OVCH1: variants seen among roughly 807,000 people sequenced by gnomAD.
OVCH1 encodes the protein ovochymase 1.
OVCH1 carries 139 observed loss-of-function variants against 138.4 expected under a neutral mutation model. That is an observed-to-expected ratio of 1.00 (90% CI 0.87 to 1.16). The LOEUF (loss-of-function observed/expected upper bound fraction) is 1.16, where lower values mean the gene tolerates loss of function less well. Ranked by LOEUF, OVCH1 falls within the 50% of genes most tolerant of loss-of-function variation. The probability of loss-of-function intolerance (pLI) is 0.00; values close to 1 mark genes in which losing one functional copy is unlikely to be tolerated. For missense variants in OVCH1, 1,367 were observed against 1,357.9 expected (o/e 1.01, Z -0.11); for synonymous variants, 453 against 467.8 (o/e 0.97, Z 0.41).
chr12:29,443,569 G>A, intron 24 of OVCH1, 69 bp from the exon 25 acceptor site: 1 of 1,405,056 alleles, frequency 7.1e-7, no homozygotes. Context: ...ATTTTGCTCA[G>A]AAATTAATGC....
intron 25 of OVCH1, chr12:29,440,647 T>G: frequency 2.2e-6 from 1 of 448,724 alleles, no homozygotes. Context: ...GTATACATCA[T>G]TTTCATAGAT....
downstream of OVCH1, among the ~76,000 whole-genome samples, chr12:29,410,888 T>A (rs932296499): frequency 2.7e-4 from 9 of 33,100 alleles, no homozygotes; most frequent in Admixed American, 7.1e-4. Context: ...TTCTCCTGGA[T>A]AATATCCTGC....
At chr12:29,410,558 T>C (rs1162809402), downstream of OVCH1, among the ~76,000 whole-genome samples, 1 of 96,154 alleles carries the variant, frequency 1.0e-5, no homozygotes, top group Non-Finnish European at 2.6e-5. Flanking sequence ...TTATTTCTCC[T>C]TCACTCATGA....
chr12:29,489,482 T>G, intron 6 of OVCH1, 138 bp downstream of exon 6: 1 of 1,015,044 alleles, frequency 9.9e-7, no homozygotes, highest in Non-Finnish European at 1.4e-6. Flanking sequence ...ACTTTTTCAG[T>G]AGAAATCAGA....
chr12:29,439,528 A>T, intron 25 of OVCH1: 2 of 1,335,204 alleles, frequency 1.5e-6, no homozygotes, highest in Non-Finnish European at 1.9e-6. Context: ...TAAAGGAAAA[A>T]TCTCTATCTC....
At chr12:29,402,976 T>C in the OVCH1 span, among the ~76,000 whole-genome samples, 9 of 152,208 alleles carry the variant, frequency 5.9e-5, no homozygotes, top group African/African-American at 2.2e-4. Context: ...TAGACAAAGA[T>C]TATTAACCAG....
At chr12:29,442,529 G>T (rs1034430468) in intron 25 of OVCH1, among the ~76,000 whole-genome samples, 3 of 149,268 alleles carry the variant, frequency 2.0e-5, no homozygotes, top group African/African-American at 4.9e-5. Context: ...GCTAAATGAC[G>T]AGTTAATGGG....
At chr12:29,417,789 G>GTGTGTC (rs1555140774) in intron 3 of OVCH1, among the ~76,000 whole-genome samples, 2,269 of 150,220 alleles carry the variant, frequency 0.015, 47 homozygotes, top group African/African-American at 0.051. Context: ...GTGTGTGTGT[G>GTGTGTC]TGTGTCTGTG....
chr12:29,411,463 A>G (rs961405164), downstream of OVCH1, among the ~76,000 whole-genome samples: 3 of 151,288 alleles, frequency 2.0e-5, no homozygotes, highest in African/African-American at 7.3e-5. Context: ...GATGATGGGG[A>G]TGTACAGATG....
Position 29,433,785 on chromosome 12 carries a change from CT to C in OVCH1, c.3292del (p.Arg1098GlufsTer10). The C allele has an allele frequency of 7.1e-7, 1 of 1,416,752 alleles. No individual in the cohort carries two copies. Among genetic ancestry groups the C allele is most frequent in the African/African-American group, 1.5e-5 (1 of 65,714 alleles). The allele number at this position is 1,416,752 out of a possible 1,614,324, so 87.8% of individuals were successfully genotyped here. ...ATTTGATGCAAATTTCTTCTGTTTT[CT>C]TTTTCCAACACTTCTTACATTATCA... On this transcript the variant is annotated frameshift_variant, in exon 27 of 28. Transcript: ENST00000318184. LOFTEE classifies it low-confidence loss of function (END_TRUNC).
chr12:29,405,344 C>G, the OVCH1 span, among the ~76,000 whole-genome samples: 1 of 152,144 alleles, frequency 6.6e-6, no homozygotes, highest in African/African-American at 2.4e-5. Context: ...CCTTGAATTA[C>G]CATGCAGGAA....
chr12:29,427,748 G>C, intron 27 of OVCH1: 1 of 1,469,146 alleles, frequency 6.8e-7, no homozygotes, highest in South Asian at 1.3e-5. Flanking sequence ...GAAGCCAGGA[G>C]AGTAGCAACA....
At chr12:29,490,515 A>G (rs1427363563) in intron 5 of OVCH1, among the ~76,000 whole-genome samples, 1 of 152,248 alleles carries the variant, frequency 6.6e-6, no homozygotes, top group Non-Finnish European at 1.5e-5. Context: ...AATGATTACC[A>G]TAATCATGGT....
At chr12:29,470,290 T>A (rs1942458867) in intron 16 of OVCH1, among the ~76,000 whole-genome samples, 1 of 152,176 alleles carries the variant, frequency 6.6e-6, no homozygotes, top group South Asian at 2.1e-4. Context: ...TAGGTATACA[T>A]CTGCCACAGT....
intron 21 of OVCH1, among the ~76,000 whole-genome samples, chr12:29,454,634 A>G (rs557858518): frequency 1.3e-5 from 2 of 152,272 alleles, no homozygotes; most frequent in African/African-American, 4.8e-5. Flanking sequence ...GATTTTTTTA[A>G]AAATCTGCAA....
At chr12:29,461,283 C>A (rs1282879807) in intron 19 of OVCH1, among the ~76,000 whole-genome samples, 4 of 152,170 alleles carry the variant, frequency 2.6e-5, no homozygotes, top group African/African-American at 9.7e-5. Flanking sequence ...TATCTAAAGT[C>A]ACATTCTTCC....
chr12:29,470,689 G>A (rs372212231), intron 16 of OVCH1, among the ~76,000 whole-genome samples: 8 of 152,136 alleles, frequency 5.3e-5, no homozygotes, highest in African/African-American at 1.7e-4. Flanking sequence ...ATGTGTGCAT[G>A]TGTCTTTATA....
At chr12:29,459,908 GA>G (rs1341034627) in intron 19 of OVCH1, among the ~76,000 whole-genome samples, 1 of 152,184 alleles carries the variant, frequency 6.6e-6, no homozygotes, top group Non-Finnish European at 1.5e-5. Context: ...TCCTGGATGA[GA>G]AAGCACATTA....
chr12:29,477,359 C>G (rs1483479919), exon 11 of OVCH1: 1 of 1,613,836 alleles, frequency 6.2e-7, no homozygotes, highest in East Asian at 2.2e-5. Context: ...GACTTCTGTA[C>G]AGCAGTAACG....
Sources: gnomAD v4.1 joint callset for allele counts (sites outside exome capture counted in the v4.1 genomes callset) on GRCh38, gnomAD v4.1.1 for gene constraint, MANE v1.5 for transcripts, NCBI Gene and HGNC (gene_info 2026-07-23, HGNC 2026-07-21) for gene names.